Variants in SLC5A5 observed in about 807,000 individuals in gnomAD.
The protein encoded by SLC5A5 is sodium/iodide cotransporter.
SLC5A5 carries 56 observed loss-of-function variants against 68.6 expected under a neutral mutation model. That is an observed-to-expected ratio of 0.82 (90% CI 0.66 to 1.02). SLC5A5 has a LOEUF of 1.02. Among genes scored for constraint, SLC5A5 ranks in the 50% least tolerant of loss-of-function variants. The pLI is 0.00. For missense variants in SLC5A5, 807 were observed against 859.8 expected (o/e 0.94, Z 0.77); for synonymous variants, 398 against 373.0 (o/e 1.07, Z -0.77).
chr19:17,885,401 A>T (rs2094331032), intron 12 of SLC5A5, among the ~76,000 whole-genome samples: 1 of 150,498 alleles, frequency 6.6e-6, no homozygotes, highest in African/African-American at 2.5e-5. Flanking sequence ...TTTTTTGGAG[A>T]CAGGGTCTCA....
chr19:17,874,282 A>AGCC, intron 2 of SLC5A5, 79 bp downstream of exon 2: 1 of 928,362 alleles, frequency 1.1e-6, no homozygotes, highest in East Asian at 2.7e-5. Flanking sequence ...ACCATTCAAG[A>AGCC]CCCCGCCCAG....
At chr19:17,883,621 C>G in intron 10 of SLC5A5, 60 bp from the exon 11 acceptor site, 2 of 1,385,314 alleles carry the variant, frequency 1.4e-6, no homozygotes, top group African/African-American at 1.4e-5. Context: ...AGCGGGTAAA[C>G]TGAGGCCCAG....
At chr19:17,893,013 T>C (rs1399893107) in intron 14 of SLC5A5, among the ~76,000 whole-genome samples, 4 of 140,058 alleles carry the variant, frequency 2.9e-5, no homozygotes, top group African/African-American at 1.1e-4. Flanking sequence ...TTTTTTTTCT[T>C]TCTCTCTCTT....
At position 17,872,619 on chromosome 19, in the gene SLC5A5, C is replaced by T. The variant is rs748980003; in HGVS notation, c.300C>T (p.Leu100=). Residue 100 remains leucine, a synonymous_variant, in exon 1 of 15, where the codon CTC becomes CTT. Coordinates refer to ENST00000222248, the MANE Select transcript of SLC5A5 (RefSeq NM_000453.3). The stretch of plus-strand genomic sequence containing the variant: ...TGGGCCAGCTTCTGAACTCGGTCCT[C>T]ACCGCCCTGCTCTTCATGCCCGTCT... The part of the protein sequence containing the change: ...MCLGQLLNSV[L]TALLFMPVFY... The T allele has an allele frequency of 6.2e-7, 1 of 1,611,942 alleles. No individual in the cohort carries two copies. Among genetic ancestry groups the T allele is most frequent in the East Asian group, 2.2e-5 (1 of 44,878 alleles).
chr19:17,890,291 G>A (rs1459908345), intron 13 of SLC5A5, among the ~76,000 whole-genome samples: 1 of 152,030 alleles, frequency 6.6e-6, no homozygotes, highest in East Asian at 1.9e-4. Context: ...GACTAGTCTC[G>A]AACTCCTGAC....
chr19:17,875,282 A>G (rs1281135250), intron 4 of SLC5A5, among the ~76,000 whole-genome samples: 1 of 152,054 alleles, frequency 6.6e-6, no homozygotes, highest in Non-Finnish European at 1.5e-5. Flanking sequence ...AGGCAGGAGA[A>G]TCGCTTGAAC....
intron 12 of SLC5A5, among the ~76,000 whole-genome samples, chr19:17,885,563 T>G (rs2094331290): frequency 6.6e-6 from 1 of 151,870 alleles, no homozygotes; most frequent in African/African-American, 2.4e-5. Context: ...GTATTTTTTA[T>G]AGAGACGAGT....
intron 5 of SLC5A5, 123 bp from the exon 6 acceptor site, chr19:17,877,600 G>C: frequency 8.0e-7 from 1 of 1,249,988 alleles, no homozygotes; most frequent in South Asian, 1.3e-5. Flanking sequence ...GAGCCACTGC[G>C]CCTGGCCAAC....
chr19:17,890,038 C>T (rs952860307), intron 13 of SLC5A5, among the ~76,000 whole-genome samples: 2 of 152,072 alleles, frequency 1.3e-5, no homozygotes, highest in African/African-American at 4.8e-5. Context: ...GTGTGCTGGA[C>T]CCTCCCAGCC....
At chr19:17,879,775 G>C (rs7257982) in intron 7 of SLC5A5, among the ~76,000 whole-genome samples, 1 of 152,008 alleles carries the variant, frequency 6.6e-6, no homozygotes, top group African/African-American at 2.4e-5. Flanking sequence ...GATGACACGG[G>C]TCCCTGCTTC....
rs750660760 is a variant in SLC5A5, at chr19:17,872,340, G to A, written c.21G>A (p.Gly7=). The change falls in exon 1 of 15, where the codon GGG becomes GGA. Residue 7 remains glycine (G), a synonymous_variant. Transcript: ENST00000222248. MEAVET[G]ERPTFGAWDY... ...CCCTCATGGAGGCCGTGGAGACCGGGGAACGGCCCACCTTCGGAGCCTGGG... is the reference window on the plus strand; with the variant it reads ...CCCTCATGGAGGCCGTGGAGACCGGAGAACGGCCCACCTTCGGAGCCTGGG... 1.2e-5 allele frequency: 19 copies of A among 1,583,122 alleles called. No individual in the cohort carries two copies. The highest frequency in any genetic ancestry group is 1.6e-5 in the Non-Finnish European group (19 of 1,165,624).
In SLC5A5 at chr19:17,877,713, C is replaced by G. The variant is rs888694055; in HGVS notation, c.699-10C>G. On this transcript the variant is annotated splice_polypyrimidine_tract_variant and intron_variant, in intron 5 of 14. Transcript: ENST00000222248. ...TCTCCACGTGGCTAACTTGCCCTGT[C>G]CCCACCCAGCTTTAACCCTGACCCG... is the stretch of plus-strand genomic sequence containing the variant. The G allele has an allele frequency of 2.6e-5, 42 of 1,613,840 alleles. No homozygotes were observed. Among genetic ancestry groups the G allele is most frequent in the Non-Finnish European group, 3.4e-5 (40 of 1,179,998 alleles).
intron 9 of SLC5A5, 35 bp from the exon 10 acceptor site, chr19:17,882,114 C>T (rs756519904): frequency 3.1e-6 from 5 of 1,613,030 alleles, no homozygotes; most frequent in Middle Eastern, 3.3e-4. Context: ...AGGGCAGTCC[C>T]TCCCCGTTGA....
In SLC5A5 at chr19:17,883,412, T is replaced by TA. The variant is rs1331645900; in HGVS notation, c.1243-257dup. 3.4e-3 allele frequency among the ~76,000 whole-genome samples: 434 copies of TA among 129,426 alleles called. 1 individual carries two copies. Among genetic ancestry groups the TA allele is most frequent in the African/African-American group, 9.9e-3 (341 of 34,542 alleles). 84.9% of individuals were successfully genotyped at this position (129,426 alleles called of 152,430 possible). On this transcript the variant is annotated intron_variant, in intron 10 of 14. Coordinates refer to ENST00000222248, the MANE Select transcript of SLC5A5 (RefSeq NM_000453.3). ...CTGGACAGCAAAGTGAGACTCTGTC[T>TA]AAAAAAAAAAAAGAAGAAGAAAGGG...
chr19:17,874,737 T>C lies in SLC5A5; in HGVS notation c.543+6T>C. ...GCACCTTCTACACGGCTGTGGTGAG[T>C]GGCCCTGGGAACTCACTCCATACGG... On this transcript the variant is annotated splice_donor_region_variant and intron_variant, in intron 4 of 14. Transcript: ENST00000222248. 1 of 1,613,954 alleles carries C rather than the reference T, an allele frequency of 6.2e-7. No individual in the cohort carries two copies. Among genetic ancestry groups the C allele is most frequent in the Non-Finnish European group, 8.5e-7 (1 of 1,179,874 alleles).
chr19:17,888,413 C>G lies in SLC5A5; in HGVS notation c.1609C>G (p.Leu537Val), dbSNP rs972158484. The change falls in exon 13 of 15, where the codon CTG becomes GTG. Residue 537 changes from leucine to valine, a missense_variant. Physicochemically the swap from Leu to Val is conservative, Grantham distance 32 (BLOSUM62 1). Transcript: ENST00000222248. ...SYLYYGALGT[L>V]TTVLCGALIS... is the part of the protein sequence containing the mutation. ...TCTCTATTACGGTGCCCTGGGCACG[C>G]TGACCACTGTGCTGTGCGGAGCCCT... The G allele has an allele frequency of 2.5e-6, 4 of 1,613,908 alleles. No individual in the cohort carries two copies. The highest frequency in any genetic ancestry group is 2.2e-5 in the East Asian group (1 of 44,868).
chr19:17,891,060 C>A, intron 14 of SLC5A5, 59 bp downstream of exon 14: 2 of 1,050,028 alleles, frequency 1.9e-6, no homozygotes, highest in Non-Finnish European at 3.0e-6. Context: ...AGGACGTGAC[C>A]ACAGCTCAGG....
chr19:17,892,653 A>AGG (rs2030221001), intron 14 of SLC5A5, among the ~76,000 whole-genome samples: 1 of 9,778 alleles, frequency 1.0e-4, no homozygotes, highest in Admixed American at 1.1e-3. Context: ...AAGAAAAGAC[A>AGG]GAGAGAGAGA....
At chr19:17,880,700 C>CAAAAG (rs1052379325) in intron 7 of SLC5A5, among the ~76,000 whole-genome samples, 165 bp from the exon 8 acceptor site, 1 of 151,902 alleles carries the variant, frequency 6.6e-6, no homozygotes, top group Non-Finnish European at 1.5e-5. Flanking sequence ...TTTCTCAAAA[C>CAAAAG]AAAACAAAAC....
Sources: gnomAD v4.1 joint callset for allele counts (sites outside exome capture counted in the v4.1 genomes callset) on GRCh38, gnomAD v4.1.1 for gene constraint, MANE v1.5 for transcripts, NCBI Gene and HGNC (gene_info 2026-07-23, HGNC 2026-07-21) for gene names.